CACNG4: variants seen among roughly 807,000 people sequenced by gnomAD.
CACNG4 encodes the protein voltage-dependent calcium channel gamma-4 subunit.
In CACNG4, 8 loss-of-function variants were observed where a neutral mutation model predicts 22.9. The ratio of observed to expected loss-of-function variants is 0.35; its 90% CI spans 0.21 to 0.63. CACNG4 has a LOEUF of 0.63. CACNG4 is among the 30% of genes least tolerant of loss of function. The pLI, the probability that CACNG4 is intolerant of heterozygous loss-of-function variation, is 0.72. For synonymous variants in CACNG4, 188 were observed against 191.9 expected, an observed-to-expected ratio of 0.98 and a Z score of 0.17; for missense variants, 357 against 455.4, an observed-to-expected ratio of 0.78 and a Z score of 1.97.
intron 1 of CACNG4, among the ~76,000 whole-genome samples, chr17:67,011,714 C>T (rs188910229): frequency 6.8e-4 from 103 of 152,288 alleles, no homozygotes; most frequent in Admixed American, 2.0e-3. Flanking sequence ...GATGAGCAAA[C>T]GGTGAAAGTC....
At chr17:67,009,638 A>G (rs761839398) in intron 1 of CACNG4, among the ~76,000 whole-genome samples, 1 of 152,206 alleles carries the variant, frequency 6.6e-6, no homozygotes, top group Non-Finnish European at 1.5e-5. Context: ...TACAACAGAA[A>G]TTTATTTCTC....
At chr17:66,976,040 G>T (rs140422351) in intron 1 of CACNG4, among the ~76,000 whole-genome samples, 2 of 152,184 alleles carry the variant, frequency 1.3e-5, no homozygotes, top group Non-Finnish European at 2.9e-5. Flanking sequence ...GACAGCGCTC[G>T]TGGGGGTTGT....
rs138657868 is a variant in CACNG4 at position 67,012,101 on chromosome 17, G to C, written c.221-6088G>C. Among the ~76,000 whole-genome samples the C allele has an allele frequency of 2.2e-3, 336 of 152,322 alleles. 6 individuals carry two copies. Among genetic ancestry groups the C allele is most frequent in the African/African-American group, 7.9e-3 (327 of 41,572 alleles). ...GCTTCTATAGAGGATTCTTGGAAAG[G>C]CTGCATTGGGGCGGTGTGGGAGGAG... On this transcript the variant is annotated intron_variant, in intron 1 of 3. Coordinates refer to ENST00000262138, the MANE Select transcript of CACNG4 (RefSeq NM_014405.4).
intron 1 of CACNG4, among the ~76,000 whole-genome samples, chr17:66,976,011 A>G (rs1252076313): frequency 6.6e-6 from 1 of 152,184 alleles, no homozygotes; most frequent in Non-Finnish European, 1.5e-5. Context: ...GAGTGCCCAG[A>G]TTGATACTCA....
chr17:66,989,080 A>G (rs2035322899), intron 1 of CACNG4, among the ~76,000 whole-genome samples: 1 of 149,508 alleles, frequency 6.7e-6, no homozygotes, highest in Non-Finnish European at 1.5e-5. Context: ...AAAAAAAAAA[A>G]AGGCAAGAGA....
chr17:67,017,050 A>C (rs906221803), intron 1 of CACNG4, among the ~76,000 whole-genome samples: 1 of 152,028 alleles, frequency 6.6e-6, no homozygotes, highest in African/African-American at 2.4e-5. Context: ...CCAGCTGTGT[A>C]CCTGAGGAAG....
intron 1 of CACNG4, among the ~76,000 whole-genome samples, chr17:66,976,603 A>C: frequency 1.4e-5 from 2 of 141,662 alleles, no homozygotes; most frequent in Admixed American, 7.1e-5. Context: ...TCTCCTCCCC[A>C]TCGTCCCTCC....
chr17:67,002,618 T>TTCTCTCTCTCTC (rs58727233), intron 1 of CACNG4, among the ~76,000 whole-genome samples: 39 of 145,534 alleles, frequency 2.7e-4, no homozygotes, highest in East Asian at 6.2e-4. Flanking sequence ...ATCTCTCTCT[T>TTCTCTCTCTCTC]TCTCTCTCTC....
intron 2 of CACNG4, chr17:67,020,319 T>C (rs980728228): frequency 6.6e-6 from 1 of 152,338 alleles, no homozygotes; most frequent in Admixed American, 6.5e-5. Flanking sequence ...CCAGCTCCTC[T>C]GGGGAGGGCG....
intron 1 of CACNG4, among the ~76,000 whole-genome samples, chr17:66,975,722 AC>A (rs2035231902): frequency 6.6e-6 from 1 of 151,984 alleles, no homozygotes; most frequent in Non-Finnish European, 1.5e-5. Flanking sequence ...GAAGCTGAGC[AC>A]CCCCCAGTGG....
chr17:66,989,054 C>G (rs2035322451), intron 1 of CACNG4, among the ~76,000 whole-genome samples: 1 of 112,892 alleles, frequency 8.9e-6, no homozygotes, highest in Non-Finnish European at 1.7e-5. Context: ...GAGCAAGACT[C>G]TGCCTCAAAA....
chr17:66,995,802 A>T (rs2035370410), intron 1 of CACNG4, among the ~76,000 whole-genome samples: 1 of 152,172 alleles, frequency 6.6e-6, no homozygotes, highest in Non-Finnish European at 1.5e-5. Context: ...GTGAGCCAAG[A>T]TCGTGCCACT....
In CACNG4 at chr17:67,031,277, A is replaced by T. The variant is rs2035604317; in HGVS notation, c.*273A>T. On this transcript the variant is annotated 3_prime_UTR_variant, in exon 4 of 4. Coordinates refer to ENST00000262138, the MANE Select transcript of CACNG4 (RefSeq NM_014405.4). The surrounding 1 kb of genome is among the most constrained non-coding windows in gnomAD (Gnocchi z 4.0). ...TCTCTGAAATCTCCCGGGAAGCCCC[A>T]GAGCTTTCCTGAGGCTGCCTGGCCT... 1.6e-6 allele frequency: 1 copy of T among 629,510 alleles called. No homozygotes were observed. Among genetic ancestry groups the T allele is most frequent in the Admixed American group, 2.1e-5 (1 of 47,642 alleles). 39.0% of individuals were successfully genotyped at this position (629,510 alleles called of 1,614,324 possible).
At chr17:66,980,555 C>T (rs1042931188) in intron 1 of CACNG4, among the ~76,000 whole-genome samples, 2 of 150,718 alleles carry the variant, frequency 1.3e-5, no homozygotes, top group African/African-American at 4.9e-5. Context: ...AATCTTCAAA[C>T]TCTTTAAAAT....
intron 1 of CACNG4, among the ~76,000 whole-genome samples, chr17:66,999,753 AC>A (rs3837813): frequency 0.021 from 3,200 of 152,256 alleles, 67 homozygotes; most frequent in South Asian, 0.066. Context: ...CTCCATTGAC[AC>A]GTGGGAATAC....
intron 1 of CACNG4, 114 bp from the exon 2 acceptor site, chr17:67,018,073 CTG>C (rs2143355116): frequency 1.3e-6 from 1 of 749,386 alleles, no homozygotes; most frequent in East Asian, 2.6e-5. Flanking sequence ...CCTTTCTTCT[CTG>C]TCTGTCCCCA....
At chr17:66,990,002 C>A (rs771551611) in intron 1 of CACNG4, among the ~76,000 whole-genome samples, 145 of 152,306 alleles carry the variant, frequency 9.5e-4, no homozygotes, top group Non-Finnish European at 3.7e-4. Context: ...TGCTTCTTAA[C>A]AAATTGACAA....
chr17:66,981,038 A>G (rs557448150), intron 1 of CACNG4, among the ~76,000 whole-genome samples: 5 of 152,238 alleles, frequency 3.3e-5, no homozygotes, highest in Non-Finnish European at 5.9e-5. Flanking sequence ...GCAGTTTCCA[A>G]TGTGACTCGT....
intron 1 of CACNG4, among the ~76,000 whole-genome samples, chr17:66,995,354 C>T (rs190261161): frequency 2.6e-3 from 397 of 152,266 alleles, no homozygotes; most frequent in African/African-American, 8.9e-3. Flanking sequence ...TGTGATCACA[C>T]GGCAGCCTCT....
Sources: allele counts gnomAD v4.1 joint callset (sites outside exome capture counted in the v4.1 genomes callset), GRCh38; gene constraint gnomAD v4.1.1; non-coding constraint Gnocchi (gnomAD v3.1); transcripts MANE v1.5; gene names NCBI Gene and HGNC (gene_info 2026-07-23, HGNC 2026-07-21).